Variants in GSE1 observed in about 807,000 individuals in gnomAD.
GSE1 encodes genetic suppressor element 1.
A neutral mutation model predicts 112.6 loss-of-function variants in GSE1; 32 were observed. That is an observed-to-expected ratio of 0.28 (90% CI 0.21 to 0.38). The LOEUF (loss-of-function observed/expected upper bound fraction) is 0.38, where lower values mean the gene tolerates loss of function less well. Ranked by LOEUF, GSE1 falls within the 10% of genes least tolerant of loss-of-function variation. The probability of loss-of-function intolerance (pLI) is 1.00; values close to 1 mark genes in which losing one functional copy is unlikely to be tolerated. For missense variants in GSE1, 2,348 were observed against 1,699.2 expected (o/e 1.38, Z -6.71); for synonymous variants, 1,115 against 735.6 (o/e 1.52, Z -8.35).
intron 2 of GSE1, among the ~76,000 whole-genome samples, chr16:85,503,823 A>G (rs188279908): frequency 2.2e-4 from 34 of 152,334 alleles, no homozygotes; most frequent in Non-Finnish European, 4.7e-4. Flanking sequence ...ATACAAGACT[A>G]TCATCACCCG....
At chr16:85,421,064 G>C (rs943685670) in intron 2 of GSE1, among the ~76,000 whole-genome samples, 1 of 152,228 alleles carries the variant, frequency 6.6e-6, no homozygotes, top group Non-Finnish European at 1.5e-5. Context: ...TTACCCGGGG[G>C]CGTTGGGAGG....
chr16:85,394,827 A>G (rs2047930764), intron 2 of GSE1, among the ~76,000 whole-genome samples: 1 of 151,946 alleles, frequency 6.6e-6, no homozygotes, highest in Non-Finnish European at 1.5e-5. Flanking sequence ...ATCCCCCTCC[A>G]TGCCAGCCCT....
chr16:85,441,083 G>C (rs1320927283), intron 2 of GSE1, among the ~76,000 whole-genome samples: 1 of 152,234 alleles, frequency 6.6e-6, no homozygotes, highest in Non-Finnish European at 1.5e-5. Flanking sequence ...TGGCAGCAGA[G>C]TGTGGACTTC....
At chr16:85,616,767 C>A (rs1598397492) in intron 1 of GSE1, among the ~76,000 whole-genome samples, 1 of 152,132 alleles carries the variant, frequency 6.6e-6, no homozygotes, top group Non-Finnish European at 1.5e-5. Flanking sequence ...GGCTTCACTT[C>A]CGCATGCTGG....
chr16:85,336,603 A>AT (rs542928731), intron 1 of GSE1, among the ~76,000 whole-genome samples: 281 of 144,236 alleles, frequency 1.9e-3, no homozygotes, highest in African/African-American at 3.2e-3. Context: ...TGCCCTCACA[A>AT]TTTTTTTTTT....
intron 1 of GSE1, among the ~76,000 whole-genome samples, chr16:85,290,403 A>G (rs1268111137): frequency 1.3e-5 from 2 of 152,176 alleles, no homozygotes; most frequent in Non-Finnish European, 2.9e-5. Context: ...TACTGATCCC[A>G]TCAAATGACA....
chr16:85,228,515 C>T (rs1226797578), intron 1 of GSE1, among the ~76,000 whole-genome samples: 2 of 152,212 alleles, frequency 1.3e-5, no homozygotes, highest in Non-Finnish European at 2.9e-5. Context: ...TTACGCTCCC[C>T]AGCCCTAGTG....
chr16:85,663,308 T>G (rs763458007), intron 10 of GSE1, 36 bp from the exon 11 acceptor site: 1 of 1,609,806 alleles, frequency 6.2e-7, no homozygotes, highest in Non-Finnish European at 8.5e-7. Flanking sequence ...CCACTGCCAG[T>G]GGCTTCAAAC....
chr16:85,645,508 C>T (rs138820472), intron 2 of GSE1, among the ~76,000 whole-genome samples: 1 of 152,158 alleles, frequency 6.6e-6, no homozygotes, highest in Non-Finnish European at 1.5e-5. Context: ...GGGCAGCTGC[C>T]CCACCCCAAG....
rs533199167 is a variant in GSE1 at position 85,614,786 on chromosome 16, C to T, written c.7+1388C>T. 3.3e-5 allele frequency among the ~76,000 whole-genome samples: 5 copies of T among 152,296 alleles called. No individual in the cohort carries two copies. The South Asian group carries it at 1.0e-3, about 32-fold the overall frequency. On this transcript the variant is annotated intron_variant, in intron 1 of 15. Coordinates refer to ENST00000253458, the MANE Select transcript of GSE1 (RefSeq NM_014615.5). ...CCCCGCTGCGGTGCCTTATCTGGGGCCTGAGGGGTAGCGGCCACACAGGTT... is the reference window on the plus strand; with the variant it reads ...CCCCGCTGCGGTGCCTTATCTGGGGTCTGAGGGGTAGCGGCCACACAGGTT...
At chr16:85,214,846 G>A (rs972907541) in intron 1 of GSE1, among the ~76,000 whole-genome samples, 19 of 152,172 alleles carry the variant, frequency 1.2e-4, no homozygotes, top group African/African-American at 4.6e-4. Context: ...ACAGGTGGGT[G>A]GGGGTGGGGC....
At chr16:85,170,316 T>G in exon 1 of GSE1, 1 of 985,380 alleles carries the variant, frequency 1.0e-6, no homozygotes. Context: ...GGCACTGGGT[T>G]CCCGAGGCCC....
At chr16:85,300,706 A>G (rs557594835) in intron 1 of GSE1, among the ~76,000 whole-genome samples, 1 of 152,102 alleles carries the variant, frequency 6.6e-6, no homozygotes, top group Non-Finnish European at 1.5e-5. Flanking sequence ...TCCACTTTGG[A>G]GCAGCCGCTC....
chr16:85,641,265 C>T (rs911151277), intron 2 of GSE1, among the ~76,000 whole-genome samples: 1 of 152,266 alleles, frequency 6.6e-6, no homozygotes, highest in Admixed American at 6.5e-5. Flanking sequence ...CCATCCGGCT[C>T]CCAGGGTCCA....
chr16:85,349,720 G>C (rs2046815588), intron 1 of GSE1, among the ~76,000 whole-genome samples: 1 of 152,186 alleles, frequency 6.6e-6, no homozygotes, highest in Non-Finnish European at 1.5e-5. Flanking sequence ...GTGTTCTTTT[G>C]TGTTGTCAGG....
intron 2 of GSE1, among the ~76,000 whole-genome samples, chr16:85,481,862 A>G (rs2050690392): frequency 6.6e-6 from 1 of 152,214 alleles, no homozygotes; most frequent in South Asian, 2.1e-4. Flanking sequence ...CTAAAAGGTC[A>G]CACGGCGCAG....
At chr16:85,626,062 C>T (rs144982784) in intron 1 of GSE1, among the ~76,000 whole-genome samples, 107 of 152,174 alleles carry the variant, frequency 7.0e-4, no homozygotes, top group African/African-American at 2.4e-3. Flanking sequence ...TGGCCCTGGC[C>T]GGTTTCTGGG....
chr16:85,346,951 A>G (rs1314684904), intron 1 of GSE1, among the ~76,000 whole-genome samples: 4 of 152,084 alleles, frequency 2.6e-5, no homozygotes, highest in African/African-American at 7.2e-5. Context: ...AGGTGGGTGG[A>G]TGGGTAGATA....
At chr16:85,479,095 C>T (rs1597888733) in intron 2 of GSE1, among the ~76,000 whole-genome samples, 2 of 145,694 alleles carry the variant, frequency 1.4e-5, no homozygotes, top group African/African-American at 2.5e-5. Flanking sequence ...GATCTCGGCT[C>T]ATTGCAAACT....
Sources: gnomAD v4.1 joint callset for allele counts (sites outside exome capture counted in the v4.1 genomes callset) on GRCh38, gnomAD v4.1.1 for gene constraint, MANE v1.5 for transcripts, NCBI Gene and HGNC (gene_info 2026-07-23, HGNC 2026-07-21) for gene names.